ABCB4: variants seen among roughly 807,000 people sequenced by gnomAD.
The protein encoded by ABCB4 is phosphatidylcholine translocator ABCB4.
ABCB4 carries 76 observed loss-of-function variants against 145.7 expected under a neutral mutation model. The observed-to-expected ratio is 0.52, with a 90% confidence interval of 0.43 to 0.63. The LOEUF is 0.63. Among genes scored for constraint, ABCB4 ranks in the 30% least tolerant of loss-of-function variants. The pLI, the probability that ABCB4 is intolerant of heterozygous loss-of-function variation, is 0.00. For synonymous variants in ABCB4, 517 were observed against 566.8 expected (o/e 0.91, Z 1.25); for missense variants, 1,234 against 1,553.1 (o/e 0.79, Z 3.45).
intron 4 of ABCB4, among the ~76,000 whole-genome samples, chr7:87,455,532 C>A (rs1474968578): frequency 1.3e-5 from 2 of 152,160 alleles, no homozygotes; most frequent in Non-Finnish European, 2.9e-5. Context: ...AGTGGCAGAG[C>A]TGAAAGTCAG....
the ABCB4 span, among the ~76,000 whole-genome samples, chr7:87,393,949 A>C: frequency 1.9e-3 from 283 of 152,278 alleles, 1 homozygote; most frequent in African/African-American, 6.5e-3. Context: ...TCAAAAACTA[A>C]AGTATTCATG....
In ABCB4 at chr7:87,467,206, T is replaced by C. The variant is rs144995739; in HGVS notation, c.136-4298A>G. 2.0e-5 allele frequency among the ~76,000 whole-genome samples: 3 copies of C among 152,092 alleles called. No homozygotes were observed. In the East Asian group the frequency reaches 5.8e-4, roughly 29 times the overall value. ...CTCAAAAGAAAGGGATGGAGGAAGA[T>C]CTACCAAGCAAATGGAAAACAAAAA... is the stretch of plus-strand genomic sequence containing the variant. On this transcript the variant is annotated intron_variant, in intron 3 of 27. Transcript: ENST00000649586.
At chr7:87,419,024 G>A (rs1419124351) in intron 19 of ABCB4, among the ~76,000 whole-genome samples, 1 of 152,138 alleles carries the variant, frequency 6.6e-6, no homozygotes, top group African/African-American at 2.4e-5. Flanking sequence ...TAGATTCTAG[G>A]CAGGAGAAAA....
chr7:87,421,132 T>A (rs553805603), intron 18 of ABCB4, among the ~76,000 whole-genome samples: 50 of 151,970 alleles, frequency 3.3e-4, no homozygotes, highest in African/African-American at 1.2e-3. Flanking sequence ...TGGAGAGGAG[T>A]CCAGATATCC....
At chr7:87,385,379 T>C in the ABCB4 span, among the ~76,000 whole-genome samples, 1 of 152,140 alleles carries the variant, frequency 6.6e-6, no homozygotes, top group Non-Finnish European at 1.5e-5. Context: ...CAGTGTCTTA[T>C]AGTCTTCCTT....
At position 87,409,102 on chromosome 7, in the gene ABCB4, C is replaced by G. The variant is rs968756959; in HGVS notation, c.3081+134G>C. On this transcript the variant is annotated intron_variant, in intron 24 of 27. Coordinates refer to ENST00000649586, the MANE Select transcript of ABCB4 (RefSeq NM_000443.4). ...GTCAGTCAAGTTGCCCAAATATTAG[C>G]TATATAAATATTACAAATTAAATGA... 34 of 1,079,090 alleles carry G rather than the reference C, an allele frequency of 3.2e-5. No individual in the cohort carries two copies. The Admixed American group carries it at 5.7e-4, about 18-fold the overall frequency. The allele number at this position is 1,079,090 out of a possible 1,614,324, so 66.8% of individuals were successfully genotyped here. A position where few individuals can be genotyped will look rare whatever the true frequency, so the allele number is the denominator to read the frequency against.
chr7:87,427,530 A>C (rs1809924071), intron 15 of ABCB4, among the ~76,000 whole-genome samples: 1 of 152,112 alleles, frequency 6.6e-6, no homozygotes, highest in South Asian at 2.1e-4. Flanking sequence ...TTCACTGCCT[A>C]GTAAGGGTGA....
chr7:87,437,102 A>C (rs922820172), intron 14 of ABCB4, among the ~76,000 whole-genome samples: 2 of 152,216 alleles, frequency 1.3e-5, no homozygotes, highest in Admixed American at 6.5e-5. Flanking sequence ...ATATGGTCAC[A>C]GATTTTTTAC....
At chr7:87,399,864 G>A (rs774088744), downstream of ABCB4, 2 of 152,130 alleles carry the variant, frequency 1.3e-5, no homozygotes, top group Non-Finnish European at 2.9e-5. Flanking sequence ...TTAGTGTCTT[G>A]AATCAGTTTA....
At chr7:87,384,074 G>T in the ABCB4 span, among the ~76,000 whole-genome samples, 3 of 151,848 alleles carry the variant, frequency 2.0e-5, no homozygotes, top group Non-Finnish European at 2.9e-5. Flanking sequence ...CCACATCTTT[G>T]CTAGCATCTG....
In ABCB4 at chr7:87,472,527, C is replaced by A. The variant is rs1046614298; in HGVS notation, c.135+94G>T. 7.0e-6 allele frequency: 8 copies of A among 1,144,998 alleles called. No homozygotes were observed. The African/African-American group carries it at 1.2e-4, about 18-fold the overall frequency. The allele number at this position is 1,144,998 out of a possible 1,614,324, so 70.9% of individuals were successfully genotyped here. A position where few individuals can be genotyped will look rare whatever the true frequency, so the allele number is the denominator to read the frequency against. On this transcript the variant is annotated intron_variant, in intron 3 of 27. Transcript: ENST00000649586. ...GTATGAGTCAGCTCGCCTAGCTAGA[C>A]AATCTTAAAGTATTTGCTTTAAAGG...
chr7:87,433,233 T>A (rs1810366571), intron 14 of ABCB4, among the ~76,000 whole-genome samples: 1 of 152,208 alleles, frequency 6.6e-6, no homozygotes, highest in Admixed American at 6.5e-5. Context: ...GAATCAATTG[T>A]TTTTAAGTAA....
chr7:87,432,085 A>T (rs912566112), intron 14 of ABCB4, among the ~76,000 whole-genome samples: 6 of 152,218 alleles, frequency 3.9e-5, no homozygotes, highest in Admixed American at 3.3e-4. Context: ...TATGGTTCAA[A>T]AGCCATCCAA....
At chr7:87,463,742 AG>A (rs1413587067) in intron 3 of ABCB4, among the ~76,000 whole-genome samples, 4 of 152,340 alleles carry the variant, frequency 2.6e-5, no homozygotes, top group African/African-American at 7.2e-5. Context: ...GGCCACACCA[AG>A]AATCTTGGAC....
chr7:87,421,447 T>C (rs1455939353), intron 18 of ABCB4, among the ~76,000 whole-genome samples: 1 of 152,208 alleles, frequency 6.6e-6, no homozygotes, highest in Non-Finnish European at 1.5e-5. Flanking sequence ...GATCAAATCA[T>C]TGAGTTGTGT....
the ABCB4 span, chr7:87,382,626 C>A: frequency 7.1e-7 from 1 of 1,414,214 alleles, no homozygotes; most frequent in Non-Finnish European, 9.6e-7. Flanking sequence ...CCTAACTCCT[C>A]AGTATTTTTG....
At chr7:87,388,919 C>G in the ABCB4 span, among the ~76,000 whole-genome samples, 4 of 152,090 alleles carry the variant, frequency 2.6e-5, no homozygotes, top group East Asian at 7.7e-4. Flanking sequence ...GGAACTTAAA[C>G]AAATTTACAA....
At chr7:87,434,687 G>T (rs31673) in intron 14 of ABCB4, among the ~76,000 whole-genome samples, 81 of 152,308 alleles carry the variant, frequency 5.3e-4, no homozygotes, top group African/African-American at 1.9e-3. Context: ...AGCGGAGGTT[G>T]CAGTGAGCCA....
intron 16 of ABCB4, among the ~76,000 whole-genome samples, chr7:87,425,350 T>C (rs1044410741): frequency 2.6e-5 from 4 of 152,234 alleles, no homozygotes; most frequent in African/African-American, 9.6e-5. Flanking sequence ...GAAAAGTGGA[T>C]AATTTCATAG....
Sources: allele counts gnomAD v4.1 joint callset (sites outside exome capture counted in the v4.1 genomes callset), GRCh38; gene constraint gnomAD v4.1.1; transcripts MANE v1.5; gene names NCBI Gene and HGNC (gene_info 2026-07-23, HGNC 2026-07-21).